The following CACNA1D variants were observed in gnomAD, a reference collection of about 807,000 sequenced individuals.
The protein encoded by CACNA1D is voltage-dependent L-type calcium channel subunit alpha-1D.
Under a neutral mutation model 257.1 loss-of-function variants are expected in CACNA1D, and 55 were observed. The observed-to-expected ratio is 0.21, with a 90% confidence interval of 0.17 to 0.27. The LOEUF (loss-of-function observed/expected upper bound fraction) is 0.27. Ranked by LOEUF, CACNA1D falls within the 10% of genes least tolerant of loss-of-function variation. The probability of loss-of-function intolerance (pLI) is 1.00; values close to 1 mark genes in which losing one functional copy is unlikely to be tolerated. For synonymous variants in CACNA1D, 980 were observed against 1,014.9 expected (o/e 0.97, Z 0.65); for missense variants, 1,876 against 2,784.0 (o/e 0.67, Z 7.34).
chr3:53,616,219 A>G (rs2093634804), intron 3 of CACNA1D, among the ~76,000 whole-genome samples: 1 of 152,150 alleles, frequency 6.6e-6, no homozygotes, highest in Non-Finnish European at 1.5e-5. Context: ...TCTCACTATC[A>G]GTGGTTGTGA....
At chr3:53,809,721 T>C (rs2095586141) in intron 46 of CACNA1D, 1 of 544,830 alleles carries the variant, frequency 1.8e-6, no homozygotes, top group Admixed American at 3.1e-5. Context: ...ATTTCATGAA[T>C]TAGCAACTGA....
intron 3 of CACNA1D, among the ~76,000 whole-genome samples, chr3:53,645,107 A>G (rs1254069906): frequency 6.6e-6 from 1 of 152,082 alleles, no homozygotes; most frequent in Non-Finnish European, 1.5e-5. Flanking sequence ...TCTTTTGGCT[A>G]TTTGTATGTC....
chr3:53,532,668 A>T (rs2091985939), intron 3 of CACNA1D, among the ~76,000 whole-genome samples: 1 of 152,190 alleles, frequency 6.6e-6, no homozygotes, highest in South Asian at 2.1e-4. Context: ...TTTTGCATGT[A>T]TATTGCTTTT....
chr3:53,497,326 C>T lies in CACNA1D; in HGVS notation c.242C>T (p.Ser81Phe). ...GCACCCCCACCTGTAGGATCTCTCT[C>T]CCAAAGAAAACGTCAGCAATACGCC... The part of the protein sequence containing the change: ...TSAPPPVGSL[S>F]QRKRQQYAKS... Residue 81 changes from serine to phenylalanine, a missense_variant, in exon 2 of 48, where the codon TCC becomes TTC. Physicochemically the swap from Ser to Phe is radical, Grantham distance 155. This residue lies in a region of CACNA1D where 143 missense variants were observed against 168.7 expected (regional missense o/e 0.85). Transcript: ENST00000350061. The T allele has an allele frequency of 6.2e-7, 1 of 1,614,160 alleles. No individual in the cohort carries two copies. The highest frequency in any genetic ancestry group is 8.5e-7 in the Non-Finnish European group (1 of 1,180,042).
rs1398619461 is a variant in CACNA1D, at chr3:53,774,474, A to G, written c.4111-113A>G. On this transcript the variant is annotated intron_variant, in intron 33 of 47. Coordinates refer to ENST00000350061, the MANE Select transcript of CACNA1D (RefSeq NM_001128840.3). The surrounding 1 kb of genome is among the most constrained non-coding windows in gnomAD (Gnocchi z 4.3). ...TTGAATGAGTGAAGTGCCAGGTACCATGAGAAAACCCTAGCTGGTAAAGAT... is the reference window on the plus strand; with the variant it reads ...TTGAATGAGTGAAGTGCCAGGTACCGTGAGAAAACCCTAGCTGGTAAAGAT... 3 of 735,262 alleles carry G rather than the reference A, an allele frequency of 4.1e-6. No homozygotes were observed. The African/African-American group carries it at 5.1e-5, about 13-fold the overall frequency. 45.5% of individuals were successfully genotyped at this position (735,262 alleles called of 1,614,324 possible).
At chr3:53,524,179 A>T (rs912739213) in intron 3 of CACNA1D, among the ~76,000 whole-genome samples, 1 of 152,208 alleles carries the variant, frequency 6.6e-6, no homozygotes, top group African/African-American at 2.4e-5. Context: ...ATAAGAGCAG[A>T]GAACAGTCAG....
At chr3:53,714,774 C>A (rs1212178673) in intron 9 of CACNA1D, among the ~76,000 whole-genome samples, 1 of 152,134 alleles carries the variant, frequency 6.6e-6, no homozygotes, top group Non-Finnish European at 1.5e-5. Flanking sequence ...GGCATTTTGG[C>A]GAGTTCTGTC....
chr3:53,615,354 T>C (rs1008623030), intron 3 of CACNA1D, among the ~76,000 whole-genome samples: 1 of 152,208 alleles, frequency 6.6e-6, no homozygotes, highest in African/African-American at 2.4e-5. Flanking sequence ...AGACCTGGCC[T>C]CTTTGCCTAG....
intron 9 of CACNA1D, among the ~76,000 whole-genome samples, chr3:53,714,702 A>G (rs1308550396): frequency 6.6e-6 from 1 of 152,202 alleles, no homozygotes; most frequent in Non-Finnish European, 1.5e-5. Flanking sequence ...CACAGTACAT[A>G]CTTGAAAAGA....
intron 3 of CACNA1D, among the ~76,000 whole-genome samples, chr3:53,531,558 G>T (rs2091950346): frequency 6.6e-6 from 1 of 152,118 alleles, no homozygotes; most frequent in Non-Finnish European, 1.5e-5. Context: ...TTTGGTGGGG[G>T]CTTGATTTCT....
At chr3:53,683,558 A>G (rs2094450289) in intron 8 of CACNA1D, among the ~76,000 whole-genome samples, 1 of 152,260 alleles carries the variant, frequency 6.6e-6, no homozygotes. Flanking sequence ...GAAAAGAAGC[A>G]GGAAAATATT....
chr3:53,613,785 T>C (rs1460115), intron 3 of CACNA1D, among the ~76,000 whole-genome samples: 27,411 of 151,776 alleles, frequency 0.18, 2,598 homozygotes, highest in African/African-American at 0.21. Flanking sequence ...TATATTGTAT[T>C]GATACAAGGT....
Position 53,643,035 on chromosome 3 carries a change from G to A in CACNA1D, c.484-7744G>A, listed in dbSNP as rs1221479901. On this transcript the variant is annotated intron_variant, in intron 3 of 47. Coordinates refer to ENST00000350061, the MANE Select transcript of CACNA1D (RefSeq NM_001128840.3). ...CAAGAATGATTGTCCCTGTTTTATG[G>A]ATGAAAGAACTGGGAATCAGGAGGG... Among the ~76,000 whole-genome samples, 7 of 152,302 alleles carry A rather than the reference G, an allele frequency of 4.6e-5. No individual in the cohort carries two copies. In the East Asian group the frequency reaches 1.2e-3, roughly 25 times the overall value.
chr3:53,570,047 T>C (rs577972165), intron 3 of CACNA1D, among the ~76,000 whole-genome samples: 2 of 152,212 alleles, frequency 1.3e-5, no homozygotes, highest in South Asian at 4.1e-4. Flanking sequence ...AATTCAAAAC[T>C]TTTTGGAAAA....
At chr3:53,709,955 G>T (rs958648164) in intron 9 of CACNA1D, among the ~76,000 whole-genome samples, 2 of 152,164 alleles carry the variant, frequency 1.3e-5, no homozygotes, top group Non-Finnish European at 1.5e-5. Context: ...GAAGTGACAG[G>T]GCTGGGGTTA....
chr3:53,543,848 G>A (rs973271731), intron 3 of CACNA1D, among the ~76,000 whole-genome samples: 7 of 152,186 alleles, frequency 4.6e-5, no homozygotes, highest in African/African-American at 1.4e-4. Flanking sequence ...TGTTGGGGGA[G>A]AGGGGCAATG....
intron 3 of CACNA1D, among the ~76,000 whole-genome samples, chr3:53,630,559 C>G (rs1166159393): frequency 6.6e-6 from 1 of 152,196 alleles, no homozygotes; most frequent in African/African-American, 2.4e-5. Flanking sequence ...GATAAGCAAA[C>G]AGCTCAACTC....
In CACNA1D at chr3:53,552,071, G is replaced by T. The variant is rs150551565; in HGVS notation, c.483+50351G>T. ...CAGGCCCCCTCTTCCCTCTGGGGGTGGATCCCACTTGTACGGGCAACTCAG... is the reference window on the plus strand; with the variant it reads ...CAGGCCCCCTCTTCCCTCTGGGGGTTGATCCCACTTGTACGGGCAACTCAG... On this transcript the variant is annotated intron_variant, in intron 3 of 47. Coordinates refer to ENST00000350061, the MANE Select transcript of CACNA1D (RefSeq NM_001128840.3). Among the ~76,000 whole-genome samples the T allele has an allele frequency of 1.6e-3, 246 of 152,320 alleles. 1 individual carries two copies. The highest frequency in any genetic ancestry group is 5.4e-3 in the African/African-American group (224 of 41,568).
chr3:53,778,467 G>A (rs2095409420), intron 37 of CACNA1D, among the ~76,000 whole-genome samples: 1 of 152,140 alleles, frequency 6.6e-6, no homozygotes, highest in East Asian at 1.9e-4. Flanking sequence ...TGGGTGGGAT[G>A]GACTTATGCA....
Sources: gnomAD v4.1 joint callset for allele counts (sites outside exome capture counted in the v4.1 genomes callset) on GRCh38, gnomAD v4.1.1 for gene constraint, gnomAD v4.1.1 regional missense constraint, Gnocchi (gnomAD v3.1) non-coding constraint, MANE v1.5 for transcripts, NCBI Gene and HGNC (gene_info 2026-07-23, HGNC 2026-07-21) for gene names.